Variants in RASAL2 observed in about 807,000 individuals in gnomAD.
The protein encoded by RASAL2 is ras GTPase-activating protein nGAP.
In RASAL2, 58 loss-of-function variants were observed where a neutral mutation model predicts 128.9. The observed-to-expected ratio is 0.45, with a 90% CI of 0.36 to 0.56. The LOEUF (loss-of-function observed/expected upper bound fraction) is 0.56, where lower values mean the gene tolerates loss of function less well. Ranked by LOEUF, RASAL2 falls within the 20% of genes least tolerant of loss-of-function variation. RASAL2 has a pLI of 0.00. For missense variants in RASAL2, 1,360 were observed against 1,601.6 expected (o/e 0.85, Z 2.57); for synonymous variants, 561 against 580.8 (o/e 0.97, Z 0.49).
chr1:178,182,052 G>A (rs1662131636), intron 1 of RASAL2, among the ~76,000 whole-genome samples: 1 of 152,138 alleles, frequency 6.6e-6, no homozygotes, highest in African/African-American at 2.4e-5. Context: ...CTCCTTGAGG[G>A]TAGAGTGTCT....
At position 178,420,503 on chromosome 1, in the gene RASAL2, C is replaced by G; in HGVS notation, c.565-8C>G. On this transcript the variant is annotated splice_region_variant and splice_polypyrimidine_tract_variant and intron_variant, in intron 4 of 17. Transcript: ENST00000367649. ...CTCTCTCCCATCACCTTCTGCCTTT[C>G]CTTCTAGGGATTCTTCAGCAAGCGC... is the stretch of plus-strand genomic sequence containing the variant. 1 of 1,591,634 alleles carries G rather than the reference C, an allele frequency of 6.3e-7. No homozygotes were observed. Among genetic ancestry groups the G allele is most frequent in the Non-Finnish European group, 8.6e-7 (1 of 1,162,552 alleles).
intron 1 of RASAL2, among the ~76,000 whole-genome samples, chr1:178,278,766 A>G (rs74131304): frequency 0.042 from 6,337 of 152,238 alleles, 412 homozygotes; most frequent in African/African-American, 0.14. Context: ...TTTCCTAAGT[A>G]TGGAAGAGAT....
chr1:178,265,668 T>A (rs546024344), intron 1 of RASAL2, among the ~76,000 whole-genome samples: 38 of 152,326 alleles, frequency 2.5e-4, no homozygotes, highest in Admixed American at 2.2e-3. Flanking sequence ...TTGTATAGCT[T>A]GATGTATGGC....
intron 1 of RASAL2, among the ~76,000 whole-genome samples, chr1:178,126,708 A>G (rs1351637947): frequency 1.3e-5 from 2 of 152,260 alleles, no homozygotes; most frequent in Admixed American, 6.5e-5. Context: ...TACTGTTTGG[A>G]AGTTGTTCTT....
chr1:178,192,146 G>A (rs2101949263), intron 1 of RASAL2, among the ~76,000 whole-genome samples: 1 of 152,270 alleles, frequency 6.6e-6, no homozygotes, highest in African/African-American at 2.4e-5. Flanking sequence ...CGGAGGTGGG[G>A]ATGGGAAAGG....
intron 3 of RASAL2, among the ~76,000 whole-genome samples, chr1:178,337,114 G>A (rs1356938042): frequency 6.6e-6 from 1 of 152,054 alleles, no homozygotes; most frequent in African/African-American, 2.4e-5. Flanking sequence ...AGTCATCTTA[G>A]TGGGAAGAGC....
intron 3 of RASAL2, among the ~76,000 whole-genome samples, chr1:178,361,886 C>T (rs1453036798): frequency 2.0e-5 from 3 of 151,938 alleles, no homozygotes; most frequent in African/African-American, 4.8e-5. Context: ...TGATGGGAGA[C>T]AGTGACAGAT....
chr1:178,417,756 T>C (rs1411096645), intron 4 of RASAL2, among the ~76,000 whole-genome samples: 1 of 102,296 alleles, frequency 9.8e-6, no homozygotes, highest in East Asian at 2.4e-4. Context: ...TGAAACTCCG[T>C]CTAAAAAAAA....
At position 178,466,092 on chromosome 1, in the gene RASAL2, AAGAT is replaced by A; in HGVS notation, c.3563_3566del (p.Asp1188AlafsTer3). On this transcript the variant is annotated frameshift_variant, in exon 16 of 18. Coordinates refer to ENST00000367649, the MANE Select transcript of RASAL2 (RefSeq NM_170692.4). LOFTEE classifies it high-confidence loss of function. Reference sequence around the variant, plus strand: ...CGGCTCCGAAGACAGCAGGAAGAAAAAGATAGCCAGATGAAAAGCATCATCAGCA... The same window carrying A: ...CGGCTCCGAAGACAGCAGGAAGAAAAAGCCAGATGAAAAGCATCATCAGCA... The A allele has an allele frequency of 6.4e-7, 1 of 1,573,626 alleles. No homozygotes were observed. The highest frequency in any genetic ancestry group is 8.6e-7 in the Non-Finnish European group (1 of 1,158,230).
At chr1:178,363,589 T>A (rs1214567659) in intron 3 of RASAL2, among the ~76,000 whole-genome samples, 1 of 152,182 alleles carries the variant, frequency 6.6e-6, no homozygotes, top group Non-Finnish European at 1.5e-5. Flanking sequence ...TGTCGAAGCA[T>A]TAAACAGCCT....
intron 2 of RASAL2, among the ~76,000 whole-genome samples, chr1:178,289,478 C>G (rs1667180492): frequency 6.6e-6 from 1 of 151,956 alleles, no homozygotes; most frequent in Admixed American, 6.6e-5. Flanking sequence ...AACTACATAT[C>G]ACTGTTCTCT....
At chr1:178,306,672 G>GT (rs1668004727) in intron 3 of RASAL2, among the ~76,000 whole-genome samples, 1 of 151,994 alleles carries the variant, frequency 6.6e-6, no homozygotes, top group Non-Finnish European at 1.5e-5. Flanking sequence ...TTTTTCATGT[G>GT]TTTTTTGGCT....
At chr1:178,120,724 G>A (rs145632471) in intron 1 of RASAL2, among the ~76,000 whole-genome samples, 90 of 152,266 alleles carry the variant, frequency 5.9e-4, no homozygotes, top group African/African-American at 2.0e-3. Context: ...ACTCACCAGC[G>A]CTAGCATTAC....
In RASAL2 at chr1:178,300,105, C is replaced by T. The variant is rs1006336994; in HGVS notation, c.444C>T (p.Gly148=). The change falls in exon 3 of 18, where the codon GGC becomes GGT. Residue 148 remains glycine (G), a synonymous_variant. Transcript: ENST00000367649. ...AGTTTCCCGAGTACCCACCAGAGGG[C>T]GCCACTAAACTGGGTAAGCTACTAT... ...EGQFPEYPPE[G]ATKLEVPAER... 2.5e-6 allele frequency: 4 copies of T among 1,611,882 alleles called. No homozygotes were observed. Among genetic ancestry groups the T allele is most frequent in the Non-Finnish European group, 3.4e-6 (4 of 1,179,340 alleles).
chr1:178,443,045 G>C lies in RASAL2; in HGVS notation c.1298G>C (p.Arg433Pro). 1.9e-6 allele frequency: 3 copies of C among 1,614,006 alleles called. No homozygotes were observed. The highest frequency in any genetic ancestry group is 1.3e-5 in the African/African-American group (1 of 75,022). The change falls in exon 8 of 18, where the codon CGG (arginine) becomes CCG (proline). Residue 433 changes from arginine (R) to proline (P), a missense_variant. Arg to Pro is a moderately radical substitution (Grantham distance 103, BLOSUM62 -2). Coordinates refer to ENST00000367649, the MANE Select transcript of RASAL2 (RefSeq NM_170692.4). ...NKGKTGGPSI[R>P]IKSRFQTITI... The stretch of plus-strand genomic sequence containing the variant: ...GGAAAGACAGGAGGACCTTCTATTC[G>C]GATTAAATCACGTTTCCAAACTATC...
At chr1:178,155,813 A>C (rs1370656319) in intron 1 of RASAL2, among the ~76,000 whole-genome samples, 4 of 152,148 alleles carry the variant, frequency 2.6e-5, no homozygotes, top group African/African-American at 9.7e-5. Context: ...CTTTGCAAGA[A>C]ATAATTTAGT....
chr1:178,223,971 C>T (rs1571656094), intron 1 of RASAL2, among the ~76,000 whole-genome samples: 1 of 152,158 alleles, frequency 6.6e-6, no homozygotes, highest in Admixed American at 6.5e-5. Context: ...AGGTTTTATA[C>T]GTTTTGAACT....
intron 3 of RASAL2, chr1:178,341,683 A>C: frequency 6.3e-7 from 1 of 1,595,136 alleles, no homozygotes; most frequent in Non-Finnish European, 8.6e-7. Flanking sequence ...TAAAAATTAC[A>C]CAAATGCAGT....
intron 3 of RASAL2, among the ~76,000 whole-genome samples, chr1:178,382,845 TC>T (rs2102570464): frequency 6.6e-6 from 1 of 152,294 alleles, no homozygotes; most frequent in Non-Finnish European, 1.5e-5. Context: ...TACCCACTTG[TC>T]ATCACTAAGA....
Sources: allele counts gnomAD v4.1 joint callset (sites outside exome capture counted in the v4.1 genomes callset), GRCh38; gene constraint gnomAD v4.1.1; transcripts MANE v1.5; gene names NCBI Gene and HGNC (gene_info 2026-07-23, HGNC 2026-07-21).